MRPS27: variants seen among roughly 807,000 people sequenced by gnomAD.
The protein encoded by MRPS27 is small ribosomal subunit protein mS27.
MRPS27 carries 43 observed loss-of-function variants against 48.9 expected under a neutral mutation model. That is an observed-to-expected ratio of 0.88 (90% CI 0.69 to 1.13). MRPS27 has a LOEUF of 1.13. Ranked by LOEUF, MRPS27 falls within the 50% of genes most tolerant of loss-of-function variation. The probability of loss-of-function intolerance (pLI) is 0.00; values close to 1 mark genes in which losing one functional copy is unlikely to be tolerated. For synonymous variants in MRPS27, 188 were observed against 171.9 expected, an observed-to-expected ratio of 1.09 and a Z score of -0.73; for missense variants, 467 against 476.3, an observed-to-expected ratio of 0.98 and a Z score of 0.18.
rs1184627950 is a variant in MRPS27, at chr5:72,233,761, AT to A, written c.475+357del. ...GCTAAAAATTCAGTTGAAAAAAAAAATCTCATTTCTGCCAACTGTTCATTAC... is the reference window on the plus strand; with the variant it reads ...GCTAAAAATTCAGTTGAAAAAAAAAACTCATTTCTGCCAACTGTTCATTAC... On this transcript the variant is annotated intron_variant, in intron 6 of 10. Coordinates refer to ENST00000261413, the MANE Select transcript of MRPS27 (RefSeq NM_015084.3). Among the ~76,000 whole-genome samples, 3 of 152,148 alleles carry A rather than the reference AT, an allele frequency of 2.0e-5. No individual in the cohort carries two copies. The East Asian group carries it at 5.8e-4, about 29-fold the overall frequency.
At chr5:72,261,250 T>C (rs570201877) in intron 4 of MRPS27, among the ~76,000 whole-genome samples, 7 of 152,198 alleles carry the variant, frequency 4.6e-5, no homozygotes, top group Non-Finnish European at 7.4e-5. Flanking sequence ...AACGTATGTA[T>C]GTATGTATGT....
At chr5:72,270,012 G>A (rs1749194898) in intron 4 of MRPS27, among the ~76,000 whole-genome samples, 3 of 151,946 alleles carry the variant, frequency 2.0e-5, no homozygotes. Context: ...GGCCAACATG[G>A]TGAAATCCCA....
At chr5:72,299,153 A>T (rs147315406) in intron 2 of MRPS27, among the ~76,000 whole-genome samples, 30 of 152,240 alleles carry the variant, frequency 2.0e-4, no homozygotes, top group African/African-American at 7.2e-4. Context: ...AGGGCTGACA[A>T]ACTACCTATG....
rs578083946 is a variant in MRPS27, at chr5:72,316,555, G to A, written c.74-2397C>T. Among the ~76,000 whole-genome samples, 5 of 151,854 alleles carry A rather than the reference G, an allele frequency of 3.3e-5. No individual in the cohort carries two copies. In the South Asian group the frequency reaches 1.0e-3, roughly 32 times the overall value. ...GATAATTTTTTGTATTTTTAGTAGA[G>A]ACGGGGTTTCACCATAATAGCCAGG... On this transcript the variant is annotated intron_variant, in intron 1 of 10. Coordinates refer to ENST00000261413, the MANE Select transcript of MRPS27 (RefSeq NM_015084.3).
intron 1 of MRPS27, among the ~76,000 whole-genome samples, chr5:72,316,558 G>A (rs1017712997): frequency 5.9e-5 from 9 of 151,628 alleles, no homozygotes; most frequent in South Asian, 4.2e-4. Context: ...TAGTAGAGAC[G>A]GGGTTTCACC....
At chr5:72,239,265 T>C (rs1748289596) in intron 4 of MRPS27, among the ~76,000 whole-genome samples, 2 of 152,154 alleles carry the variant, frequency 1.3e-5, no homozygotes, top group South Asian at 2.1e-4. Context: ...CATCTGCTAT[T>C]GGGATAGTTT....
intron 4 of MRPS27, among the ~76,000 whole-genome samples, chr5:72,272,956 T>G (rs1352010539): frequency 6.6e-6 from 1 of 152,228 alleles, no homozygotes; most frequent in Non-Finnish European, 1.5e-5. Flanking sequence ...GTGTTATATA[T>G]GTTTAAAATT....
rs760924486 is a variant in MRPS27 at position 72,223,735 on chromosome 5, T to C, written c.953A>G (p.Asp318Gly). ...QGSEKLVEQLDIEETEQSKLP... is the reference protein window; with the variant it reads ...QGSEKLVEQLGIEETEQSKLP... ...CTTGGACTGCTCTGTTTCCTCGATG[T>C]CTAACTGCTCCACCAGTTTTTCTGA... is the stretch of plus-strand genomic sequence containing the variant. Residue 318 changes from aspartate to glycine, a missense_variant, in exon 10 of 11, where the codon GAC (aspartate) becomes GGC (glycine). Asp to Gly is a moderately conservative substitution (Grantham distance 94, BLOSUM62 -1). Coordinates refer to ENST00000261413, the MANE Select transcript of MRPS27 (RefSeq NM_015084.3). 4.3e-6 allele frequency: 7 copies of C among 1,614,108 alleles called. No individual in the cohort carries two copies. Among genetic ancestry groups the C allele is most frequent in the Middle Eastern group, 1.6e-4 (1 of 6,062 alleles).
intron 9 of MRPS27, 132 bp from the exon 10 acceptor site, chr5:72,223,982 T>C: frequency 1.1e-6 from 1 of 904,586 alleles, no homozygotes; most frequent in South Asian, 1.9e-5. Context: ...TCTTATAAAA[T>C]TGTAGGAAAT....
At chr5:72,242,157 A>G (rs1481229075) in intron 4 of MRPS27, among the ~76,000 whole-genome samples, 2 of 152,192 alleles carry the variant, frequency 1.3e-5, no homozygotes, top group African/African-American at 4.8e-5. Context: ...AGTGTTGAGT[A>G]GGATTTTCAG....
At chr5:72,257,025 T>A (rs1748827714) in intron 4 of MRPS27, among the ~76,000 whole-genome samples, 1 of 152,208 alleles carries the variant, frequency 6.6e-6, no homozygotes, top group Non-Finnish European at 1.5e-5. Context: ...ATAGGAGATG[T>A]ACAATCATGT....
intron 4 of MRPS27, among the ~76,000 whole-genome samples, chr5:72,275,543 A>G (rs1171661837): frequency 6.6e-6 from 1 of 152,216 alleles, no homozygotes; most frequent in Non-Finnish European, 1.5e-5. Flanking sequence ...TAAAATTCAT[A>G]TGGAACCCAA....
In MRPS27 at chr5:72,290,719, T is replaced by C. The variant is rs564385035; in HGVS notation, c.281+4812A>G. On this transcript the variant is annotated intron_variant, in intron 4 of 10. Transcript: ENST00000261413. Reference sequence around the variant, plus strand: ...AACAAGAGGGCGTGTGGATAGGAAGTAGAAATTAATCCTTTGCCCAGAAAA... The same window carrying C: ...AACAAGAGGGCGTGTGGATAGGAAGCAGAAATTAATCCTTTGCCCAGAAAA... Among the ~76,000 whole-genome samples the C allele has an allele frequency of 1.4e-3, 210 of 152,334 alleles. 3 individuals are homozygous for C. Among genetic ancestry groups the C allele is most frequent in the Non-Finnish European group, 2.6e-4 (18 of 68,020 alleles).
chr5:72,227,959 A>T, intron 8 of MRPS27: 3 of 390,636 alleles, frequency 7.7e-6, no homozygotes, highest in Non-Finnish European at 1.4e-5. Flanking sequence ...TCTACTAGCT[A>T]GTCTCCCTAA....
intron 4 of MRPS27, among the ~76,000 whole-genome samples, chr5:72,258,315 ATTT>A (rs1274159765): frequency 6.6e-6 from 1 of 152,132 alleles, no homozygotes; most frequent in African/African-American, 2.4e-5. Flanking sequence ...ATGTTCTCTG[ATTT>A]TTGTTTTTAG....
rs2112091534 is a variant in MRPS27 at position 72,314,128 on chromosome 5, A to G, written c.104T>C (p.Val35Ala). 1.2e-6 allele frequency: 2 copies of G among 1,613,186 alleles called. No individual in the cohort carries two copies. The highest frequency in any genetic ancestry group is 1.7e-6 in the Non-Finnish European group (2 of 1,179,474). ...GKRYLLSSAYVDSHKWEAREK... is the reference protein window; with the variant it reads ...GKRYLLSSAYADSHKWEAREK... ...TCTTGCTTCCCATTTGTGGCTGTCT[A>G]CATAGGCTGAAGAAAGCAGGTATCT... Residue 35 changes from valine to alanine, a missense_variant, in exon 2 of 11, where the codon GTA becomes GCA. Val to Ala is a moderately conservative substitution (Grantham distance 64, BLOSUM62 0). Coordinates refer to ENST00000261413, the MANE Select transcript of MRPS27 (RefSeq NM_015084.3).
chr5:72,297,828 T>C (rs547965245), intron 2 of MRPS27, 126 bp from the exon 3 acceptor site: 1 of 444,352 alleles, frequency 2.3e-6, no homozygotes, highest in East Asian at 3.7e-5. Flanking sequence ...AAATTATTTT[T>C]ATATAAATTA....
In MRPS27 at chr5:72,302,141, T is replaced by C. The variant is rs72761140; in HGVS notation, c.152-4439A>G. Among the ~76,000 whole-genome samples the C allele has an allele frequency of 2.6e-3, 394 of 152,314 alleles. 2 individuals are homozygous for C. Among genetic ancestry groups the C allele is most frequent in the Non-Finnish European group, 4.7e-3 (322 of 68,028 alleles). ...GCTAGACAGACAATGTGGAAGTATG[T>C]CCAGAAAATAAAATGTATACTAAAA... On this transcript the variant is annotated intron_variant, in intron 2 of 10. Transcript: ENST00000261413.
Position 72,238,009 on chromosome 5 carries a change from C to T in MRPS27, c.396+5G>A, listed in dbSNP as rs928169110. The T allele has an allele frequency of 5.6e-6, 9 of 1,599,996 alleles. No individual in the cohort carries two copies. The highest frequency in any genetic ancestry group is 7.7e-6 in the Non-Finnish European group (9 of 1,167,482). ...AACAGGCTGCAGATCCACGGAACAA[C>T]TCACCTTATTTACAAGGGTATATAG... On this transcript the variant is annotated splice_donor_5th_base_variant and intron_variant, in intron 5 of 10. Coordinates refer to ENST00000261413, the MANE Select transcript of MRPS27 (RefSeq NM_015084.3).
Sources: allele counts gnomAD v4.1 joint callset (sites outside exome capture counted in the v4.1 genomes callset), GRCh38; gene constraint gnomAD v4.1.1; transcripts MANE v1.5; gene names NCBI Gene and HGNC (gene_info 2026-07-23, HGNC 2026-07-21).